The following ABCA13 variants were observed in gnomAD, a reference collection of about 807,000 sequenced individuals.
ABCA13 encodes ATP binding cassette subfamily A member 13, also known as ATP-binding cassette sub-family A member 13.
ABCA13 carries 476 observed loss-of-function variants against 478.7 expected under a neutral mutation model. The ratio of observed to expected loss-of-function variants is 0.99; its 90% CI spans 0.92 to 1.07. The LOEUF is 1.07. Among genes scored for constraint, ABCA13 ranks in the 50% least tolerant of loss-of-function variants. ABCA13 has a pLI of 0.00. For synonymous variants in ABCA13, 2,252 were observed against 2,158.9 expected, an observed-to-expected ratio of 1.04 and a Z score of -1.20; for missense variants, 6,060 against 5,910.6, an observed-to-expected ratio of 1.03 and a Z score of -0.83.
At chr7:48,366,767 C>G (rs936167845) in intron 31 of ABCA13, among the ~76,000 whole-genome samples, 1 of 152,018 alleles carries the variant, frequency 6.6e-6, no homozygotes, top group African/African-American at 2.4e-5. Flanking sequence ...GTGTGGAGAC[C>G]CCATAACCCA....
Position 48,455,105 on chromosome 7 carries a change from C to T in ABCA13, c.12634C>T (p.Leu4212=). 6.4e-7 allele frequency: 1 copy of T among 1,555,292 alleles called. No homozygotes were observed. Among genetic ancestry groups the T allele is most frequent in the Non-Finnish European group, 8.7e-7 (1 of 1,150,164 alleles). The change falls in exon 43 of 62, where the codon CTG becomes TTG. Residue 4212 remains leucine, a synonymous_variant. Transcript: ENST00000435803. ...GCTCCGCGCACAAGTGGCCGCGATCCTGGCCCGGAGGCTCCGCCGCACGCT... is the reference window on the plus strand; with the variant it reads ...GCTCCGCGCACAAGTGGCCGCGATCTTGGCCCGGAGGCTCCGCCGCACGCT... ...QLLRAQVAAI[L]ARRLRRTLRA...
intron 59 of ABCA13, among the ~76,000 whole-genome samples, chr7:48,637,381 C>T (rs1481998931): frequency 4.9e-5 from 1 of 20,258 alleles, no homozygotes; most frequent in Non-Finnish European, 8.6e-5. Flanking sequence ...GTTCATAAAG[C>T]AAAAAAAAAA....
chr7:48,419,810 G>A (rs1019327199), intron 41 of ABCA13, among the ~76,000 whole-genome samples: 3 of 151,904 alleles, frequency 2.0e-5, no homozygotes, highest in African/African-American at 7.3e-5. Flanking sequence ...TCACACACAC[G>A]GACGCTAAGA....
At chr7:48,485,890 T>G (rs1829249267) in intron 47 of ABCA13, among the ~76,000 whole-genome samples, 2 of 152,180 alleles carry the variant, frequency 1.3e-5, no homozygotes, top group South Asian at 4.1e-4. Flanking sequence ...TTAACTCTAC[T>G]CTGCCAGGTG....
At chr7:48,282,145 G>A (rs1489980955) in intron 19 of ABCA13, among the ~76,000 whole-genome samples, 2 of 152,204 alleles carry the variant, frequency 1.3e-5, no homozygotes, top group Non-Finnish European at 2.9e-5. Context: ...TAATTCATCT[G>A]CTAAGATGAT....
At chr7:48,513,689 T>C (rs532389569) in intron 51 of ABCA13, among the ~76,000 whole-genome samples, 5 of 152,302 alleles carry the variant, frequency 3.3e-5, no homozygotes, top group Admixed American at 3.3e-4. Context: ...TAAAATGATA[T>C]TATATTTTAA....
intron 38 of ABCA13, among the ~76,000 whole-genome samples, chr7:48,393,754 G>A (rs545701773): frequency 7.2e-5 from 11 of 152,264 alleles, no homozygotes; most frequent in Admixed American, 3.9e-4. Context: ...TCCATGTGCC[G>A]TTGGCGATAT....
chr7:48,481,019 T>C lies in ABCA13; in HGVS notation c.12976-17T>C. On this transcript the variant is annotated splice_polypyrimidine_tract_variant and intron_variant, in intron 45 of 61. Coordinates refer to ENST00000435803, the MANE Select transcript of ABCA13 (RefSeq NM_152701.5). ...TTATAAAAAAGTTTGTTTTTATCTTTTTGAAAACAATTTCAGAAGTGTCCA... is the reference window on the plus strand; with the variant it reads ...TTATAAAAAAGTTTGTTTTTATCTTCTTGAAAACAATTTCAGAAGTGTCCA... 3 of 1,542,184 alleles carry C rather than the reference T, an allele frequency of 1.9e-6. No homozygotes were observed. The highest frequency in any genetic ancestry group is 1.8e-6 in the Non-Finnish European group (2 of 1,135,384).
At chr7:48,534,360 T>C (rs1833430741) in intron 55 of ABCA13, among the ~76,000 whole-genome samples, 1 of 152,182 alleles carries the variant, frequency 6.6e-6, no homozygotes, top group East Asian at 1.9e-4. Context: ...TCTGATAGCT[T>C]TTCCTTTATA....
chr7:48,382,953 A>C (rs1257834912), intron 35 of ABCA13, among the ~76,000 whole-genome samples: 1 of 152,068 alleles, frequency 6.6e-6, no homozygotes, highest in Non-Finnish European at 1.5e-5. Context: ...GATGTTCCAG[A>C]TCTAGGTGAC....
intron 29 of ABCA13, among the ~76,000 whole-genome samples, chr7:48,348,747 A>G (rs1808487475): frequency 6.6e-6 from 1 of 152,242 alleles, no homozygotes; most frequent in South Asian, 2.1e-4. Context: ...AATATAGATG[A>G]TAAATCTCAG....
chr7:48,489,400 A>T (rs1264619031), intron 48 of ABCA13, 56 bp downstream of exon 48: 1 of 1,411,334 alleles, frequency 7.1e-7, no homozygotes, highest in Non-Finnish European at 9.6e-7. Flanking sequence ...AATGTTTTTA[A>T]AAGTGAAAGA....
intron 1 of ABCA13, among the ~76,000 whole-genome samples, chr7:48,188,485 T>G (rs1000127093): frequency 6.6e-6 from 1 of 152,206 alleles, no homozygotes; most frequent in Non-Finnish European, 1.5e-5. Context: ...GGGGACATTG[T>G]TATGGCTTTA....
At chr7:48,610,110 A>C (rs1791878690) in intron 58 of ABCA13, among the ~76,000 whole-genome samples, 1 of 152,196 alleles carries the variant, frequency 6.6e-6, no homozygotes. Flanking sequence ...ATCTGAGAAA[A>C]GTCAAGGCCC....
chr7:48,626,535 C>A (rs1793687465), intron 59 of ABCA13: 2 of 858,964 alleles, frequency 2.3e-6, no homozygotes, highest in Non-Finnish European at 2.8e-6. Context: ...AATGGAGGAA[C>A]AAAGGGAAGC....
chr7:48,365,384 A>C (rs1332699270), intron 31 of ABCA13, among the ~76,000 whole-genome samples: 3 of 152,216 alleles, frequency 2.0e-5, no homozygotes, highest in Non-Finnish European at 4.4e-5. Context: ...CACTTTGCTG[A>C]TTGTTTCCTT....
chr7:48,501,969 T>C (rs925864116), intron 48 of ABCA13, among the ~76,000 whole-genome samples: 2 of 152,180 alleles, frequency 1.3e-5, no homozygotes, highest in Non-Finnish European at 2.9e-5. Flanking sequence ...TTCCTCTGAT[T>C]CTGTTTCTGC....
At position 48,508,067 on chromosome 7, in the gene ABCA13, G is replaced by T; in HGVS notation, c.13524+18G>T. 6.2e-7 allele frequency: 1 copy of T among 1,613,750 alleles called. No homozygotes were observed. The highest frequency in any genetic ancestry group is 2.2e-5 in the East Asian group (1 of 44,802). The stretch of plus-strand genomic sequence containing the variant: ...ATGACATGGTAGGATTTGGGAATGA[G>T]ATTCTGTGTGCCTCCACAATAGTGA... On this transcript the variant is annotated intron_variant, in intron 50 of 61. Coordinates refer to ENST00000435803, the MANE Select transcript of ABCA13 (RefSeq NM_152701.5).
At chr7:48,369,483 G>A (rs1455225864) in intron 32 of ABCA13, among the ~76,000 whole-genome samples, 2 of 152,062 alleles carry the variant, frequency 1.3e-5, no homozygotes, top group African/African-American at 4.8e-5. Context: ...TGTATAGAAG[G>A]GTTTTTCTGA....
Sources: gnomAD v4.1 joint callset for allele counts (sites outside exome capture counted in the v4.1 genomes callset) on GRCh38, gnomAD v4.1.1 for gene constraint, MANE v1.5 for transcripts, NCBI Gene and HGNC (gene_info 2026-07-23, HGNC 2026-07-21) for gene names.